The following MIA variants were observed in gnomAD, a reference collection of about 807,000 sequenced individuals.
MIA encodes the protein MIA SH3 domain containing.
Under a neutral mutation model 18.5 loss-of-function variants are expected in MIA, and 18 were observed. That is an observed-to-expected ratio of 0.97 (90% CI 0.67 to 1.44). The LOEUF (loss-of-function observed/expected upper bound fraction) is 1.44. Among genes scored for constraint, MIA ranks in the 40% most tolerant of loss-of-function variants. The pLI, the probability that MIA is intolerant of heterozygous loss-of-function variation, is 0.00. For missense variants in MIA, 158 were observed against 172.4 expected (o/e 0.92, Z 0.47); for synonymous variants, 55 against 64.9 (o/e 0.85, Z 0.74).
intron 2 of MIA, among the ~76,000 whole-genome samples, chr19:40,776,497 A>G (rs2082997642): frequency 6.6e-6 from 1 of 152,072 alleles, no homozygotes; most frequent in South Asian, 2.1e-4. Context: ...TGTAATCCCA[A>G]GTAAGGCCAA....
In MIA at chr19:40,775,796, G is replaced by A. The variant is rs745398952; in HGVS notation, c.172G>A (p.Asp58Asn). ...GGCCCTTCAGGACTACATGGCCCCCGACTGCCGATTCCTGACCATTCACCG... is the reference window on the plus strand; with the variant it reads ...GGCCCTTCAGGACTACATGGCCCCCAACTGCCGATTCCTGACCATTCACCG... The part of the protein sequence containing the change: ...AVALQDYMAP[D>N]CRFLTIHRGQ... Residue 58 changes from aspartate (D) to asparagine (N), a missense_variant, in exon 2 of 4, where the codon GAC (aspartate) becomes AAC (asparagine). By Grantham distance (23) the Asp-to-Asn change is conservative. Transcript: ENST00000263369. 6.8e-6 allele frequency: 11 copies of A among 1,614,020 alleles called. No individual in the cohort carries two copies. Among genetic ancestry groups the A allele is most frequent in the South Asian group, 2.2e-5 (2 of 91,078 alleles).
chr19:40,775,269 C>T (rs919084277), upstream of MIA: 7 of 477,994 alleles, frequency 1.5e-5, no homozygotes, highest in African/African-American at 1.4e-4. Flanking sequence ...CTTATCTAGG[C>T]CTCTGTGATT....
At chr19:40,775,711 C>CT in intron 1 of MIA, 41 bp from the exon 2 acceptor site, 1 of 1,614,122 alleles carries the variant, frequency 6.2e-7, no homozygotes, top group Non-Finnish European at 8.5e-7. Context: ...GGGCGTTAGC[C>CT]TGTGTGGAGG....
intron 3 of MIA, 107 bp from the exon 4 acceptor site, chr19:40,777,290 T>A (rs1426964020): frequency 1.5e-6 from 2 of 1,358,280 alleles, no homozygotes; most frequent in Non-Finnish European, 2.1e-6. Context: ...ATAGCACTTG[T>A]GTGGCCAGAC....
Position 40,775,615 on chromosome 19 carries a change from G to C in MIA, c.73G>C (p.Gly25Arg), listed in dbSNP as rs751225088. The C allele has an allele frequency of 6.2e-7, 1 of 1,614,156 alleles. No homozygotes were observed. Among genetic ancestry groups the C allele is most frequent in the African/African-American group, 1.3e-5 (1 of 75,022 alleles). ...CTTCTCCGGACCTGGTGTCAGGGGT[G>C]GTCCTATGCCCAAGCTGGCTGACCG... Reference protein sequence around the residue: ...SAFSGPGVRGGPMPKLADRKL... With the variant: ...SAFSGPGVRGRPMPKLADRKL... The change falls in exon 1 of 4, where the codon GGT (glycine) becomes CGT (arginine). Residue 25 changes from glycine (G) to arginine (R), a missense_variant. Coordinates refer to ENST00000263369, the MANE Select transcript of MIA (RefSeq NM_006533.4).
At chr19:40,776,658 G>C in intron 2 of MIA, 1 of 215,632 alleles carries the variant, frequency 4.6e-6, no homozygotes, top group South Asian at 7.3e-5. Context: ...TGGGAGGATT[G>C]CTTGATCCCA....
At chr19:40,775,385 T>G (rs1366446843), upstream of MIA, 5 of 1,147,432 alleles carry the variant, frequency 4.4e-6, no homozygotes, top group Non-Finnish European at 6.3e-6. Context: ...TGGTTCTGGT[T>G]TCATAGCAAC....
chr19:40,776,924 G>A, intron 2 of MIA, 45 bp from the exon 3 acceptor site: 4 of 1,404,430 alleles, frequency 2.8e-6, no homozygotes, highest in Non-Finnish European at 4.0e-6. Context: ...GCAGGCACAA[G>A]CTTGCCATCT....
chr19:40,777,246 G>A (rs12982136), intron 3 of MIA, 151 bp from the exon 4 acceptor site: 1 of 1,089,416 alleles, frequency 9.2e-7, no homozygotes, highest in Non-Finnish European at 1.4e-6. Flanking sequence ...CCAGTTGGGA[G>A]GTGCAAAGAT....
chr19:40,776,342 A>T (rs534656913), intron 2 of MIA, among the ~76,000 whole-genome samples: 8 of 151,910 alleles, frequency 5.3e-5, no homozygotes, highest in African/African-American at 1.9e-4. Flanking sequence ...CACTTTATTT[A>T]CCAATTTTAG....
intron 2 of MIA, 25 bp from the exon 3 acceptor site, chr19:40,776,944 C>G (rs767869637): frequency 5.7e-6 from 9 of 1,573,428 alleles, no homozygotes; most frequent in Non-Finnish European, 7.8e-6. Context: ...TTCCCAGACC[C>G]TAGCTTTTAA....
chr19:40,776,277 G>T (rs1599734648), intron 2 of MIA, among the ~76,000 whole-genome samples: 1 of 152,058 alleles, frequency 6.6e-6, no homozygotes, highest in East Asian at 1.9e-4. Flanking sequence ...TGCCCGCCTT[G>T]GCCTCCCGGA....
intron 2 of MIA, 76 bp downstream of exon 2, chr19:40,775,961 G>A: frequency 1.3e-6 from 2 of 1,547,404 alleles, no homozygotes; most frequent in Non-Finnish European, 1.8e-6. Flanking sequence ...GGGAAGATTT[G>A]AGGGGGGTGA....
rs1234987917 is a variant in MIA at position 40,775,558 on chromosome 19, G to C, written c.16G>C (p.Val6Leu). 1 of 1,614,162 alleles carries C rather than the reference G, an allele frequency of 6.2e-7. No homozygotes were observed. Among genetic ancestry groups the C allele is most frequent in the East Asian group, 2.2e-5 (1 of 44,882 alleles). ...ACAGTCCACGATGGCCCGGTCCCTG[G>C]TGTGCCTTGGTGTCATCATCTTGCT... MARSLVCLGVIILLSA... is the reference protein window; with the variant it reads MARSLLCLGVIILLSA... Residue 6 changes from valine (V) to leucine (L), a missense_variant, in exon 1 of 4, where the codon GTG becomes CTG. Val to Leu is a conservative substitution (Grantham distance 32). Transcript: ENST00000263369.
At chr19:40,777,247 G>C (rs562761094) in intron 3 of MIA, 150 bp from the exon 4 acceptor site, 1 of 1,096,694 alleles carries the variant, frequency 9.1e-7, no homozygotes, top group African/African-American at 1.6e-5. Context: ...CAGTTGGGAG[G>C]TGCAAAGATT....
chr19:40,776,435 A>T (rs1372504284), intron 2 of MIA, among the ~76,000 whole-genome samples: 1 of 152,138 alleles, frequency 6.6e-6, no homozygotes, highest in Non-Finnish European at 1.5e-5. Flanking sequence ...AGGGAAATGA[A>T]CAAAAAGCAA....
At chr19:40,775,317 G>C, upstream of MIA, 1 of 626,614 alleles carries the variant, frequency 1.6e-6, no homozygotes, top group South Asian at 2.0e-5. Flanking sequence ...GTTGTGAGCT[G>C]CTTTGGACCT....
At chr19:40,776,136 C>G (rs552586014) in intron 2 of MIA, among the ~76,000 whole-genome samples, 1 of 152,260 alleles carries the variant, frequency 6.6e-6, no homozygotes, top group South Asian at 2.1e-4. Flanking sequence ...AAGCGATTCT[C>G]CTGCCTCAGC....
intron 2 of MIA, among the ~76,000 whole-genome samples, chr19:40,776,243 T>C (rs1306325221): frequency 6.6e-5 from 10 of 151,912 alleles, no homozygotes; most frequent in Non-Finnish European, 1.3e-4. Flanking sequence ...GCCAGGCTGG[T>C]CTTGAACTCC....
Sources: gnomAD v4.1 joint callset for allele counts (sites outside exome capture counted in the v4.1 genomes callset) on GRCh38, gnomAD v4.1.1 for gene constraint, MANE v1.5 for transcripts, NCBI Gene and HGNC (gene_info 2026-07-23, HGNC 2026-07-21) for gene names.